The following RABGAP1 variants were observed in gnomAD, a reference collection of about 807,000 sequenced individuals.
The protein encoded by RABGAP1 is rab GTPase-activating protein 1.
In RABGAP1, 23 loss-of-function variants were observed where a neutral mutation model predicts 137.6. The observed-to-expected ratio is 0.17, with a 90% confidence interval of 0.12 to 0.24. The LOEUF (loss-of-function observed/expected upper bound fraction) is 0.24, where lower values mean the gene tolerates loss of function less well. Among genes scored for constraint, RABGAP1 ranks in the 10% least tolerant of loss-of-function variants. The pLI is 1.00. For synonymous variants in RABGAP1, 451 were observed against 450.7 expected, an observed-to-expected ratio of 1.00 and a Z score of -0.01; for missense variants, 906 against 1,275.8, an observed-to-expected ratio of 0.71 and a Z score of 4.42.
intron 2 of RABGAP1, among the ~76,000 whole-genome samples, chr9:122,972,375 A>G (rs1218206461): frequency 2.0e-5 from 3 of 152,306 alleles, no homozygotes; most frequent in East Asian, 1.9e-4. Flanking sequence ...GTTTTTGCCA[A>G]TCTTGCGCTC....
intron 13 of RABGAP1, among the ~76,000 whole-genome samples, chr9:123,044,726 A>T (rs1358064461): frequency 6.6e-6 from 1 of 151,986 alleles, no homozygotes; most frequent in East Asian, 1.9e-4. Flanking sequence ...AAATGATGAG[A>T]GGAATGCAAA....
intron 10 of RABGAP1, among the ~76,000 whole-genome samples, chr9:123,006,383 A>G (rs2030262576): frequency 6.6e-6 from 1 of 152,186 alleles, no homozygotes; most frequent in South Asian, 2.1e-4. Context: ...ACTCTGGTAT[A>G]TAGCGTAAAG....
At chr9:123,010,077 ACAAACCAATATGGTTTGAAGC>A (rs1263576158) in intron 10 of RABGAP1, among the ~76,000 whole-genome samples, 3 of 152,196 alleles carry the variant, frequency 2.0e-5, no homozygotes, top group Non-Finnish European at 4.4e-5. Context: ...TGGTTTGAAG[ACAAACCAATATGGTTTGAAGC>A]AGAACTAGAG....
intron 1 of RABGAP1, among the ~76,000 whole-genome samples, chr9:122,956,618 C>T (rs909399201): frequency 1.4e-5 from 2 of 145,850 alleles, no homozygotes; most frequent in African/African-American, 5.3e-5. Flanking sequence ...CCACTGCACT[C>T]CAGCCTGGGC....
chr9:123,015,752 C>A, intron 12 of RABGAP1, 116 bp downstream of exon 12: 1 of 608,216 alleles, frequency 1.6e-6, no homozygotes, highest in Non-Finnish European at 2.8e-6. Context: ...GCAATGTTTG[C>A]ATTCTGTGAT....
At chr9:123,078,061 G>T (rs1253570984) in intron 19 of RABGAP1, among the ~76,000 whole-genome samples, 2 of 152,124 alleles carry the variant, frequency 1.3e-5, no homozygotes, top group East Asian at 3.9e-4. Context: ...GCTATTAGGG[G>T]TTTAATGCTC....
At chr9:122,934,163 C>T in the RABGAP1 span, among the ~76,000 whole-genome samples, 14 of 124,166 alleles carry the variant, frequency 1.1e-4, no homozygotes, top group Non-Finnish European at 1.6e-4. Flanking sequence ...CTGCAAGCTC[C>T]GCCTCCCGGG....
intron 19 of RABGAP1, among the ~76,000 whole-genome samples, chr9:123,080,371 T>C (rs1370225727): frequency 6.6e-6 from 1 of 152,234 alleles, no homozygotes; most frequent in Non-Finnish European, 1.5e-5. Flanking sequence ...TAGTAGTTTT[T>C]CTTGAAATCG....
rs768515876 is a variant in RABGAP1 at position 123,090,280 on chromosome 9, G to A, written c.2523G>A (p.Glu841=). 6.8e-6 allele frequency: 11 copies of A among 1,611,020 alleles called. No individual in the cohort carries two copies. The highest frequency in any genetic ancestry group is 8.5e-6 in the Non-Finnish European group (10 of 1,178,542). The change falls in exon 21 of 26, where the codon GAG becomes GAA. Residue 841 remains glutamate, a synonymous_variant. Coordinates refer to ENST00000373647, the MANE Select transcript of RABGAP1 (RefSeq NM_012197.4). ...GGTTTCTTTCTACCCTTCAGCGGGA[G>A]AATAGGCGTCTACAAGAAGCTAACA... The part of the protein sequence containing the change: ...QEDPIERFER[E]NRRLQEANMR...
chr9:122,956,793 A>G (rs1834551608), intron 1 of RABGAP1, among the ~76,000 whole-genome samples: 1 of 152,000 alleles, frequency 6.6e-6, no homozygotes, highest in South Asian at 2.1e-4. Context: ...TGTTTTATTT[A>G]TTTTTTTGAA....
chr9:122,986,207 T>G lies in RABGAP1; in HGVS notation c.386-8T>G. The G allele has an allele frequency of 6.2e-7, 1 of 1,610,454 alleles. No individual in the cohort carries two copies. The highest frequency in any genetic ancestry group is 8.5e-7 in the Non-Finnish European group (1 of 1,177,262). On this transcript the variant is annotated splice_region_variant and splice_polypyrimidine_tract_variant and intron_variant, in intron 3 of 25. Coordinates refer to ENST00000373647, the MANE Select transcript of RABGAP1 (RefSeq NM_012197.4). ...AGTAATCACTTCCTTATTCATTGTT[T>G]CTTTCAGATTCTGAAGCTTCAAGTC... is the stretch of plus-strand genomic sequence containing the variant.
intron 4 of RABGAP1, among the ~76,000 whole-genome samples, chr9:122,986,623 C>T (rs1221075768): frequency 6.6e-6 from 1 of 152,070 alleles, no homozygotes; most frequent in Non-Finnish European, 1.5e-5. Flanking sequence ...GTACTCTTCC[C>T]GATCATGTGT....
intron 2 of RABGAP1, among the ~76,000 whole-genome samples, chr9:122,974,151 C>T (rs182785114): frequency 9.1e-4 from 138 of 152,166 alleles, no homozygotes; most frequent in African/African-American, 1.5e-3. Flanking sequence ...TCAGTAAATA[C>T]GTCATCATGA....
intron 1 of RABGAP1, among the ~76,000 whole-genome samples, chr9:122,945,147 C>CTTTTGTTTTTTTTTTTTTTTTTT (rs1833873274): frequency 1.3e-5 from 1 of 75,772 alleles, no homozygotes; most frequent in Non-Finnish European, 2.9e-5. Flanking sequence ...ATAGCTGTTG[C>CTTTTGTTTTTTTTTTTTTTTTTT]TTTTTTTTTT....
chr9:122,999,714 A>G lies in RABGAP1; in HGVS notation c.1374+948A>G, dbSNP rs541150488. 9.0e-5 allele frequency among the ~76,000 whole-genome samples: 13 copies of G among 144,218 alleles called. No homozygotes were observed. In the South Asian group the frequency reaches 2.6e-3, roughly 29 times the overall value. The allele number at this position is 144,218 out of a possible 152,430, so 94.6% of individuals were successfully genotyped here. ...TTATGCTTTTACTTTTAATTTTTAA[A>G]TTTTTTTTTTTTTAACCAGATTTGG... is the stretch of plus-strand genomic sequence containing the variant. On this transcript the variant is annotated intron_variant, in intron 10 of 25. Transcript: ENST00000373647.
intron 10 of RABGAP1, among the ~76,000 whole-genome samples, chr9:123,007,758 G>A (rs1026403433): frequency 6.6e-6 from 1 of 150,748 alleles, no homozygotes; most frequent in Non-Finnish European, 1.5e-5. Flanking sequence ...TCTTTATGAT[G>A]TTGAGTCATC....
At chr9:122,944,378 T>A (rs1325540049) in intron 1 of RABGAP1, among the ~76,000 whole-genome samples, 2 of 151,976 alleles carry the variant, frequency 1.3e-5, no homozygotes, top group Non-Finnish European at 2.9e-5. Flanking sequence ...TGCAGGCACA[T>A]GCGACCACAC....
rs756214252 is a variant in RABGAP1, at chr9:123,073,659, G to C, written c.2091G>C (p.Gln697His). ...AAGATTTGCATTGCAAATTTTACCA[G>C]TTGGAGCGCCTCATGCAGGTAAAAA... is the stretch of plus-strand genomic sequence containing the variant. The part of the protein sequence containing the change: ...NFEDLHCKFY[Q>H]LERLMQEYIP... The change falls in exon 16 of 26, where the codon CAG becomes CAC. Residue 697 changes from glutamine to histidine, a missense_variant. Around this residue, in one of 9 missense-constraint regions of RABGAP1, gnomAD observed 25 missense variants for 31.7 expected, o/e 0.79. Transcript: ENST00000373647. 1 of 1,613,872 alleles carries C rather than the reference G, an allele frequency of 6.2e-7. No homozygotes were observed. Among genetic ancestry groups the C allele is most frequent in the Non-Finnish European group, 8.5e-7 (1 of 1,179,814 alleles).
At chr9:123,005,333 A>T (rs970510505) in intron 10 of RABGAP1, among the ~76,000 whole-genome samples, 16 of 151,512 alleles carry the variant, frequency 1.1e-4, no homozygotes, top group Admixed American at 9.9e-4. Context: ...ATACTTATAA[A>T]TGTCATAATT....
Sources: gnomAD v4.1 joint callset for allele counts (sites outside exome capture counted in the v4.1 genomes callset) on GRCh38, gnomAD v4.1.1 for gene constraint, gnomAD v4.1.1 regional missense constraint, MANE v1.5 for transcripts, NCBI Gene and HGNC (gene_info 2026-07-23, HGNC 2026-07-21) for gene names.